The following CA10 variants were observed in gnomAD, a reference collection of about 807,000 sequenced individuals.
The protein encoded by CA10 is carbonic anhydrase 10 (inactive).
CA10 carries 14 observed loss-of-function variants against 44.2 expected under a neutral mutation model. The ratio of observed to expected loss-of-function variants is 0.32; its 90% CI spans 0.21 to 0.50. The LOEUF is 0.50. CA10 is among the 20% of genes least tolerant of loss of function. CA10 has a pLI of 0.99. For missense variants in CA10, 350 were observed against 409.7 expected (o/e 0.85, Z 1.26); for synonymous variants, 159 against 141.6 (o/e 1.12, Z -0.87).
Position 51,797,341 on chromosome 17 carries a change from C to T in CA10, c.280-49523G>A, listed in dbSNP as rs139746218. Among the ~76,000 whole-genome samples, 5 of 152,370 alleles carry T rather than the reference C, an allele frequency of 3.3e-5. No individual in the cohort carries two copies. In the East Asian group the frequency reaches 7.7e-4, roughly 24 times the overall value. On this transcript the variant is annotated intron_variant, in intron 3 of 8. Coordinates refer to ENST00000451037, the MANE Select transcript of CA10 (RefSeq NM_020178.5). ...TGTTCTAAATCATAGCACGCAGGCG[C>T]ATGCGCGCGCACGCACGCGTGCACG...
intron 3 of CA10, among the ~76,000 whole-genome samples, chr17:51,904,390 C>T (rs1482424945): frequency 3.3e-5 from 5 of 151,924 alleles, no homozygotes; most frequent in African/African-American, 4.8e-5. Flanking sequence ...TTTTTCTTTT[C>T]CTCAGGCCCA....
chr17:52,083,179 T>C lies in CA10; in HGVS notation c.62-10786A>G, dbSNP rs765760812. 6.6e-5 allele frequency among the ~76,000 whole-genome samples: 10 copies of C among 150,544 alleles called. 1 individual carries two copies. In the Middle Eastern group the frequency reaches 0.01, roughly 156 times the overall value. On this transcript the variant is annotated intron_variant, in intron 1 of 8. Transcript: ENST00000451037. ...TCAGTCAATTGTGGGGTTAATCTCA[T>C]GTCACATAAAACTTTCTATTACAGC...
chr17:51,641,178 T>G (rs1276424644), intron 6 of CA10, among the ~76,000 whole-genome samples: 1 of 151,724 alleles, frequency 6.6e-6, no homozygotes, highest in African/African-American at 2.4e-5. Flanking sequence ...TCTCTCTCTC[T>G]CTCATATCTC....
At chr17:52,077,743 T>C (rs1216525700) in intron 1 of CA10, among the ~76,000 whole-genome samples, 1 of 152,094 alleles carries the variant, frequency 6.6e-6, no homozygotes, top group Non-Finnish European at 1.5e-5. Context: ...TCATACTAAA[T>C]CTTTTCCAGA....
In CA10 at chr17:52,064,672, T is replaced by A. The variant is rs141235848; in HGVS notation, c.136+7647A>T. Among the ~76,000 whole-genome samples the A allele has an allele frequency of 4.8e-3, 733 of 152,288 alleles. 4 individuals are homozygous for A. The highest frequency in any genetic ancestry group is 0.016 in the African/African-American group (678 of 41,568). Reference sequence around the variant, plus strand: ...TCCTTGTCCAATAATCTTTAGATTTTAAAACTACCCAAAAAGAAAAGGATG... The same window carrying A: ...TCCTTGTCCAATAATCTTTAGATTTAAAAACTACCCAAAAAGAAAAGGATG... On this transcript the variant is annotated intron_variant, in intron 2 of 8. Coordinates refer to ENST00000451037, the MANE Select transcript of CA10 (RefSeq NM_020178.5).
At chr17:52,023,854 T>C (rs1265717218) in intron 2 of CA10, among the ~76,000 whole-genome samples, 2 of 152,140 alleles carry the variant, frequency 1.3e-5, no homozygotes, top group Non-Finnish European at 2.9e-5. Context: ...TATGTCTTTT[T>C]CTTTAAAGGT....
At chr17:51,822,079 C>T (rs1907823708) in intron 3 of CA10, among the ~76,000 whole-genome samples, 1 of 152,110 alleles carries the variant, frequency 6.6e-6, no homozygotes, top group South Asian at 2.1e-4. Context: ...CAGATATACA[C>T]ATAGATCATC....
intron 3 of CA10, among the ~76,000 whole-genome samples, chr17:51,754,251 A>G (rs1417848692): frequency 6.6e-6 from 1 of 150,604 alleles, no homozygotes; most frequent in African/African-American, 2.5e-5. Context: ...AGGATTACTT[A>G]CTGTTTACTC....
At chr17:51,736,982 T>C (rs1366660417) in intron 4 of CA10, among the ~76,000 whole-genome samples, 1 of 152,182 alleles carries the variant, frequency 6.6e-6, no homozygotes, top group East Asian at 1.9e-4. Context: ...TGCAGACTGT[T>C]CTTAAGGCTG....
intron 2 of CA10, among the ~76,000 whole-genome samples, chr17:52,055,397 A>G (rs546810795): frequency 3.9e-5 from 6 of 152,002 alleles, no homozygotes; most frequent in South Asian, 2.1e-4. Flanking sequence ...TTCCAAAACT[A>G]TAAAGTGAAT....
intron 1 of CA10, among the ~76,000 whole-genome samples, chr17:52,123,958 A>T (rs1989066954): frequency 6.6e-6 from 1 of 152,200 alleles, no homozygotes; most frequent in African/African-American, 2.4e-5. Flanking sequence ...TCATTAAGAG[A>T]CATTATAAAG....
intron 4 of CA10, among the ~76,000 whole-genome samples, chr17:51,671,858 G>A (rs1246831957): frequency 3.9e-5 from 6 of 152,150 alleles, no homozygotes; most frequent in Admixed American, 3.9e-4. Context: ...TCCTCCTTTT[G>A]AAATCTTGTA....
chr17:51,704,221 T>G (rs764241909), intron 4 of CA10, among the ~76,000 whole-genome samples: 7 of 152,188 alleles, frequency 4.6e-5, no homozygotes, highest in Admixed American at 1.3e-4. Context: ...TCCGGCCATT[T>G]ATTTATCCAT....
intron 4 of CA10, among the ~76,000 whole-genome samples, chr17:51,729,639 T>A (rs1173375104): frequency 6.6e-6 from 1 of 152,180 alleles, no homozygotes; most frequent in Admixed American, 6.5e-5. Flanking sequence ...ACTGCCTAAA[T>A]TTCAGGTATT....
At position 51,667,153 on chromosome 17, in the gene CA10, G is replaced by C. The variant is rs148157818; in HGVS notation, c.466-13417C>G. Among the ~76,000 whole-genome samples the C allele has an allele frequency of 5.3e-5, 8 of 152,280 alleles. No homozygotes were observed. The East Asian group carries it at 1.5e-3, about 29-fold the overall frequency. On this transcript the variant is annotated intron_variant, in intron 4 of 8. Coordinates refer to ENST00000451037, the MANE Select transcript of CA10 (RefSeq NM_020178.5). Reference sequence around the variant, plus strand: ...AGATCTGTTTTATGGGCTCTTACATGCCACATAGGAGGGAGGGAGCCACAG... The same window carrying C: ...AGATCTGTTTTATGGGCTCTTACATCCCACATAGGAGGGAGGGAGCCACAG...
chr17:52,094,657 T>C (rs909209089), intron 1 of CA10, among the ~76,000 whole-genome samples: 4 of 152,148 alleles, frequency 2.6e-5, no homozygotes, highest in Non-Finnish European at 5.9e-5. Context: ...TTTGTTCATT[T>C]ATGGGCAAGA....
At chr17:51,874,388 T>TAAAAAAAAAAAAAA (rs780808287) in intron 3 of CA10, among the ~76,000 whole-genome samples, 1 of 127,460 alleles carries the variant, frequency 7.8e-6, no homozygotes. Flanking sequence ...GAGTAATTAT[T>TAAAAAAAAAAAAAA]AAAAAAAAAA....
intron 3 of CA10, among the ~76,000 whole-genome samples, chr17:51,769,593 A>C (rs1015159711): frequency 6.6e-6 from 1 of 152,136 alleles, no homozygotes; most frequent in African/African-American, 2.4e-5. Context: ...CTATATGTAA[A>C]AGGGGGTGGA....
At chr17:51,688,401 T>C (rs1362055676) in intron 4 of CA10, among the ~76,000 whole-genome samples, 4 of 152,236 alleles carry the variant, frequency 2.6e-5, no homozygotes, top group Admixed American at 1.3e-4. Context: ...ATTCCAAAAA[T>C]CTGGAGACCT....
Sources: allele counts gnomAD v4.1 joint callset (sites outside exome capture counted in the v4.1 genomes callset), GRCh38; gene constraint gnomAD v4.1.1; transcripts MANE v1.5; gene names NCBI Gene and HGNC (gene_info 2026-07-23, HGNC 2026-07-21).